The following RAB6A variants were observed in gnomAD, a reference collection of about 807,000 sequenced individuals.
The protein encoded by RAB6A is ras-related protein Rab-6A.
A neutral mutation model predicts 32.3 loss-of-function variants in RAB6A; 8 were observed. The ratio of observed to expected loss-of-function variants is 0.25; its 90% CI spans 0.15 to 0.45. The LOEUF is 0.45. Ranked by LOEUF, RAB6A falls within the 20% of genes least tolerant of loss-of-function variation. RAB6A has a pLI of 1.00. For missense variants in RAB6A, 104 were observed against 249.4 expected, an observed-to-expected ratio of 0.42 and a Z score of 3.93; for synonymous variants, 73 against 82.1, an observed-to-expected ratio of 0.89 and a Z score of 0.60.
At chr11:73,705,567 A>G (rs1046626854) in intron 6 of RAB6A, among the ~76,000 whole-genome samples, 1 of 152,046 alleles carries the variant, frequency 6.6e-6, no homozygotes, top group Admixed American at 6.6e-5. Flanking sequence ...ATAAATAAAT[A>G]TAAGAGAAAA....
At chr11:73,698,799 T>C (rs191561937) in intron 6 of RAB6A, among the ~76,000 whole-genome samples, 1 of 152,148 alleles carries the variant, frequency 6.6e-6, no homozygotes, top group East Asian at 1.9e-4. Flanking sequence ...CATCCCCAGT[T>C]ACCTATCCAA....
At chr11:73,694,024 C>T (rs1283815259) in intron 6 of RAB6A, among the ~76,000 whole-genome samples, 1 of 152,054 alleles carries the variant, frequency 6.6e-6, no homozygotes, top group Non-Finnish European at 1.5e-5. Flanking sequence ...TTCTCAATAC[C>T]TATGCGGTAT....
At chr11:73,721,515 T>A (rs1946132825) in intron 2 of RAB6A, among the ~76,000 whole-genome samples, 1 of 151,164 alleles carries the variant, frequency 6.6e-6, no homozygotes, top group Non-Finnish European at 1.5e-5. Context: ...GTTTTCCCTA[T>A]CAAGAGAAAA....
intron 2 of RAB6A, among the ~76,000 whole-genome samples, chr11:73,725,353 G>C (rs1242127173): frequency 1.3e-5 from 2 of 152,182 alleles, no homozygotes. Context: ...GAAATGAGAT[G>C]ACTGGGTTCA....
intron 1 of RAB6A, among the ~76,000 whole-genome samples, chr11:73,749,299 G>C (rs536036186): frequency 2.6e-5 from 4 of 152,196 alleles, no homozygotes; most frequent in South Asian, 4.1e-4. Context: ...TATATAAGCG[G>C]GAGTTAAGCT....
intron 1 of RAB6A, among the ~76,000 whole-genome samples, chr11:73,733,362 A>G (rs1946346581): frequency 6.6e-6 from 1 of 152,064 alleles, no homozygotes; most frequent in Non-Finnish European, 1.5e-5. Context: ...CAGCCTGGCC[A>G]ACATGGCAAA....
rs144261770 is a variant in RAB6A at position 73,707,180 on chromosome 11, T to C, written c.495+240A>G. ...TACCTTTAAAGCAATGTAGTAGGAA[T>C]GTAGTGACAATATGGTAGATTTACC... On this transcript the variant is annotated intron_variant, in intron 6 of 7. Transcript: ENST00000336083. 3.6e-4 allele frequency among the ~76,000 whole-genome samples: 54 copies of C among 150,778 alleles called. No individual in the cohort carries two copies. In the East Asian group the frequency reaches 8.2e-3, roughly 23 times the overall value.
chr11:73,736,720 A>T (rs1946398926), intron 1 of RAB6A, among the ~76,000 whole-genome samples: 1 of 146,196 alleles, frequency 6.8e-6, no homozygotes, highest in South Asian at 2.3e-4. Context: ...TAATCCTGGG[A>T]GGCAAAGGTT....
At chr11:73,737,830 T>TAA (rs1565373201) in intron 1 of RAB6A, among the ~76,000 whole-genome samples, 16 of 151,362 alleles carry the variant, frequency 1.1e-4, no homozygotes, top group African/African-American at 3.6e-4. Flanking sequence ...CCGTCTCTAC[T>TAA]TAAAAAAAAT....
rs1006078585 is a variant in RAB6A, at chr11:73,739,276, AAAAAAAAAATATAT to A, written c.71-8467_71-8454del. 3.9e-4 allele frequency among the ~76,000 whole-genome samples: 8 copies of A among 20,728 alleles called. 2 individuals are homozygous for A. Among genetic ancestry groups the A allele is most frequent in the African/African-American group, 7.0e-4 (7 of 9,978 alleles). The allele number at this position is 20,728 out of a possible 152,430, so 13.6% of individuals were successfully genotyped here. A position where few individuals can be genotyped will look rare whatever the true frequency, so the allele number is the denominator to read the frequency against. ...AGTAATAATAATTAAAAAAAAAAAAAAAAAAAAAATATATATATATATATATATAAATACTGGAA... is the reference window on the plus strand; with the variant it reads ...AGTAATAATAATTAAAAAAAAAAAAAATATATATATATATAAATACTGGAA... On this transcript the variant is annotated intron_variant, in intron 1 of 7. Coordinates refer to ENST00000336083, the MANE Select transcript of RAB6A (RefSeq NM_198896.2).
At chr11:73,731,026 A>T (rs1302339602) in intron 1 of RAB6A, among the ~76,000 whole-genome samples, 2 of 152,354 alleles carry the variant, frequency 1.3e-5, no homozygotes, top group South Asian at 2.1e-4. Context: ...TTAAAAGCAC[A>T]GGTAAACAGT....
At chr11:73,710,287 T>G (rs889273538) in intron 5 of RAB6A, among the ~76,000 whole-genome samples, 5 of 151,494 alleles carry the variant, frequency 3.3e-5, no homozygotes, top group Non-Finnish European at 7.4e-5. Flanking sequence ...ATTTTTTATA[T>G]TTAACTTTAT....
At chr11:73,742,319 T>C (rs531576985) in intron 1 of RAB6A, among the ~76,000 whole-genome samples, 112 of 152,040 alleles carry the variant, frequency 7.4e-4, no homozygotes, top group African/African-American at 2.6e-3. Context: ...TAAAACAAAA[T>C]AGAAACAGGG....
intron 1 of RAB6A, among the ~76,000 whole-genome samples, chr11:73,745,008 G>C (rs530388220): frequency 6.6e-6 from 1 of 151,094 alleles, no homozygotes; most frequent in Non-Finnish European, 1.5e-5. Flanking sequence ...AAAGAGTACT[G>C]GCATAAGACT....
intron 1 of RAB6A, among the ~76,000 whole-genome samples, chr11:73,754,439 A>T (rs913797370): frequency 1.3e-5 from 2 of 152,222 alleles, no homozygotes; most frequent in Non-Finnish European, 2.9e-5. Context: ...CTCTCTTGAA[A>T]TGTATTGTGG....
At chr11:73,685,107 C>T (rs1217769803) in intron 6 of RAB6A, among the ~76,000 whole-genome samples, 1 of 152,166 alleles carries the variant, frequency 6.6e-6, no homozygotes, top group African/African-American at 2.4e-5. Context: ...TAGTTAACAG[C>T]CTGGGCTTGG....
chr11:73,725,120 T>C (rs1045946805), intron 2 of RAB6A, among the ~76,000 whole-genome samples: 2 of 152,208 alleles, frequency 1.3e-5, no homozygotes, highest in African/African-American at 4.8e-5. Flanking sequence ...TGTACTTAGA[T>C]GATGTGGTAA....
intron 5 of RAB6A, among the ~76,000 whole-genome samples, chr11:73,707,870 C>T (rs1019792609): frequency 6.6e-6 from 1 of 152,112 alleles, no homozygotes; most frequent in African/African-American, 2.4e-5. Flanking sequence ...GTCTGGGCAA[C>T]AGAACCTGTC....
rs576918762 is a variant in RAB6A at position 73,707,641 on chromosome 11, A to G, written c.402-128T>C. The G allele has an allele frequency of 2.0e-5, 12 of 602,728 alleles. No individual in the cohort carries two copies. In the Admixed American group the frequency reaches 3.4e-4, roughly 17 times the overall value. The allele number at this position is 602,728 out of a possible 1,614,324, so 37.3% of individuals were successfully genotyped here. ...TTATACAGGTCACATTAGTTTAAAA[A>G]TTCATTAATCTGCCACACTCTTGAA... On this transcript the variant is annotated intron_variant, in intron 5 of 7. Transcript: ENST00000336083.
Sources: allele counts gnomAD v4.1 joint callset (sites outside exome capture counted in the v4.1 genomes callset), GRCh38; gene constraint gnomAD v4.1.1; transcripts MANE v1.5; gene names NCBI Gene and HGNC (gene_info 2026-07-23, HGNC 2026-07-21).